The following ZFHX3 variants were observed in gnomAD, a reference collection of about 807,000 sequenced individuals.
The protein encoded by ZFHX3 is zinc finger homeobox protein 3.
ZFHX3 carries 42 observed loss-of-function variants against 279.1 expected under a neutral mutation model. The observed-to-expected ratio is 0.15, with a 90% CI of 0.12 to 0.19. The LOEUF is 0.19. Among genes scored for constraint, ZFHX3 ranks in the 10% least tolerant of loss-of-function variants. The pLI, the probability that ZFHX3 is intolerant of heterozygous loss-of-function variation, is 1.00. For synonymous variants in ZFHX3, 2,293 were observed against 1,957.8 expected (o/e 1.17, Z -4.52); for missense variants, 4,981 against 4,754.0 (o/e 1.05, Z -1.40).
chr16:73,557,828 C>T (rs2020310358), intron 2 of ZFHX3, among the ~76,000 whole-genome samples: 1 of 152,118 alleles, frequency 6.6e-6, no homozygotes, highest in African/African-American at 2.4e-5. Context: ...TCATTTTATC[C>T]AGCCCCTATT....
At chr16:73,674,785 GGC>G (rs2052937960) in intron 2 of ZFHX3, among the ~76,000 whole-genome samples, 2 of 152,100 alleles carry the variant, frequency 1.3e-5, no homozygotes, top group South Asian at 4.1e-4. Flanking sequence ...TCAGATATGT[GGC>G]TCCAACACCA....
At chr16:72,837,394 C>T (rs988954538) in intron 4 of ZFHX3, among the ~76,000 whole-genome samples, 1 of 152,082 alleles carries the variant, frequency 6.6e-6, no homozygotes, top group African/African-American at 2.4e-5. Flanking sequence ...AGATTTCAGC[C>T]CTCTAAAAGT....
rs756165700 is a variant in ZFHX3, at chr16:72,959,666, G to A, written c.480C>T (p.Gly160=). ...LTQGGGACGS[G]SGSGPLPSLF... is the part of the protein sequence containing the mutation. ...GCGAGGGGAGAGGCCCACTGCCACT[G>A]CCACTCCCACAGGCGCCCCCGCCCT... is the stretch of plus-strand genomic sequence containing the variant. The change falls in exon 2 of 10, where the codon GGC becomes GGT. Residue 160 remains glycine, a synonymous_variant. Transcript: ENST00000268489. 2 of 1,613,826 alleles carry A rather than the reference G, an allele frequency of 1.2e-6. No homozygotes were observed. The highest frequency in any genetic ancestry group is 2.7e-5 in the African/African-American group (2 of 74,946).
chr16:73,602,007 C>A (rs942635371), intron 2 of ZFHX3, among the ~76,000 whole-genome samples: 5 of 152,176 alleles, frequency 3.3e-5, no homozygotes, highest in African/African-American at 1.2e-4. Context: ...TGGCATATGC[C>A]TGTAGTCCCA....
At chr16:73,556,217 C>T (rs1238371926) in intron 2 of ZFHX3, among the ~76,000 whole-genome samples, 2 of 152,132 alleles carry the variant, frequency 1.3e-5, no homozygotes, top group Non-Finnish European at 1.5e-5. Context: ...ATAACAGCCA[C>T]TGCCTAAAAT....
At chr16:73,782,616 T>G (rs1311205954) in intron 1 of ZFHX3, among the ~76,000 whole-genome samples, 1 of 152,156 alleles carries the variant, frequency 6.6e-6, no homozygotes, top group East Asian at 1.9e-4. Flanking sequence ...CCCTTGTGGT[T>G]AGACGAGGCC....
intron 4 of ZFHX3, among the ~76,000 whole-genome samples, chr16:73,294,722 G>C (rs896470570): frequency 1.3e-5 from 2 of 151,454 alleles, no homozygotes; most frequent in African/African-American, 4.9e-5. Context: ...TGAGGCAGGA[G>C]AATCACTTGA....
chr16:72,971,949 G>A (rs1187143369), intron 1 of ZFHX3, among the ~76,000 whole-genome samples: 3 of 142,328 alleles, frequency 2.1e-5, no homozygotes, highest in South Asian at 4.5e-4. Context: ...ACAATGGGGC[G>A]ATCTCAGCTC....
At chr16:73,300,630 C>A (rs991529287) in intron 4 of ZFHX3, among the ~76,000 whole-genome samples, 2 of 152,112 alleles carry the variant, frequency 1.3e-5, no homozygotes, top group African/African-American at 4.8e-5. Context: ...CAGCCTCCCG[C>A]GAAGCTGGGA....
At position 73,660,800 on chromosome 16, in the gene ZFHX3, G is replaced by A. The variant is rs577692483; in HGVS notation, c.-1547+19380C>T. On this transcript the variant is annotated intron_variant, in intron 2 of 17. Transcript: ENST00000641206. ...TAAGTTAATCAGAAATTAAGTCATA[G>A]ATAATGATTGTTAAAATAAACATCT... Among the ~76,000 whole-genome samples, 83 of 152,296 alleles carry A rather than the reference G, an allele frequency of 5.4e-4. 1 individual carries two copies. In the South Asian group the frequency reaches 0.013, roughly 24 times the overall value.
Position 72,828,982 on chromosome 16 carries a change from C to T in ZFHX3, c.3529+797G>A, listed in dbSNP as rs575997927. 2.6e-5 allele frequency among the ~76,000 whole-genome samples: 4 copies of T among 151,476 alleles called. No individual in the cohort carries two copies. The South Asian group carries it at 8.4e-4, about 32-fold the overall frequency. ...CTGGGATTACAGGCGTGAGCCATTACTCTCAGCTGGGAATCTTTTTTTTTT... is the reference window on the plus strand; with the variant it reads ...CTGGGATTACAGGCGTGAGCCATTATTCTCAGCTGGGAATCTTTTTTTTTT... On this transcript the variant is annotated intron_variant, in intron 5 of 9. Transcript: ENST00000268489.
intron 4 of ZFHX3, among the ~76,000 whole-genome samples, chr16:72,854,604 C>CA (rs1266958620): frequency 1.3e-5 from 2 of 151,980 alleles, no homozygotes; most frequent in Non-Finnish European, 2.9e-5. Flanking sequence ...AATTCCCAAA[C>CA]AATAAGGGGG....
At chr16:72,903,709 C>T (rs7205502) in intron 3 of ZFHX3, among the ~76,000 whole-genome samples, 16,535 of 152,176 alleles carry the variant, frequency 0.11, 1,240 homozygotes, top group African/African-American at 0.21. Context: ...TGAAATGGGT[C>T]GCACTACTGA....
chr16:73,197,227 G>C (rs761505253), intron 5 of ZFHX3, among the ~76,000 whole-genome samples: 6 of 152,190 alleles, frequency 3.9e-5, no homozygotes, highest in African/African-American at 9.7e-5. Flanking sequence ...CAAAGATCAA[G>C]ATATATCAAT....
At chr16:73,147,381 T>C (rs1400009160) in intron 5 of ZFHX3, among the ~76,000 whole-genome samples, 2 of 151,880 alleles carry the variant, frequency 1.3e-5, no homozygotes, top group Non-Finnish European at 2.9e-5. Flanking sequence ...GCGTCTCTAC[T>C]GAAAAATAAA....
intron 1 of ZFHX3, among the ~76,000 whole-genome samples, chr16:73,843,919 T>C (rs1013862266): frequency 6.6e-6 from 1 of 152,232 alleles, no homozygotes; most frequent in Non-Finnish European, 1.5e-5. Context: ...GGATTTTGTG[T>C]AGTCTTCATG....
chr16:73,662,684 G>A (rs1359022796), intron 2 of ZFHX3, among the ~76,000 whole-genome samples: 3 of 152,166 alleles, frequency 2.0e-5, no homozygotes, highest in Admixed American at 1.3e-4. Context: ...ACAAAAAGGG[G>A]TCAAAAACAA....
chr16:73,670,107 A>G (rs2052887765), intron 2 of ZFHX3, among the ~76,000 whole-genome samples: 1 of 152,210 alleles, frequency 6.6e-6, no homozygotes, highest in East Asian at 1.9e-4. Flanking sequence ...CCAGCTGGAT[A>G]AGGTGGTTTC....
chr16:73,875,342 G>A (rs2029913928), intron 1 of ZFHX3, among the ~76,000 whole-genome samples: 1 of 152,098 alleles, frequency 6.6e-6, no homozygotes, highest in South Asian at 2.1e-4. Context: ...AGATCCAATG[G>A]CTTCAAGGCA....
Sources: gnomAD v4.1 joint callset for allele counts (sites outside exome capture counted in the v4.1 genomes callset) on GRCh38, gnomAD v4.1.1 for gene constraint, MANE v1.5 for transcripts, NCBI Gene and HGNC (gene_info 2026-07-23, HGNC 2026-07-21) for gene names.